Variants in BFSP2 observed in about 807,000 individuals in gnomAD.
BFSP2 encodes beaded filament structural protein 2.
BFSP2 carries 38 observed loss-of-function variants against 44.9 expected under a neutral mutation model. The ratio of observed to expected loss-of-function variants is 0.85; its 90% CI spans 0.65 to 1.11. The LOEUF (loss-of-function observed/expected upper bound fraction) is 1.11, where lower values mean the gene tolerates loss of function less well. BFSP2 is among the 50% of genes least tolerant of loss of function. The pLI, the probability that BFSP2 is intolerant of heterozygous loss-of-function variation, is 0.00. For synonymous variants in BFSP2, 197 were observed against 209.9 expected (o/e 0.94, Z 0.53); for missense variants, 525 against 533.0 (o/e 0.99, Z 0.15).
At chr3:133,426,122 T>C (rs1359596636) in intron 1 of BFSP2, among the ~76,000 whole-genome samples, 3 of 148,180 alleles carry the variant, frequency 2.0e-5, no homozygotes, top group Non-Finnish European at 4.5e-5. Flanking sequence ...AGATTCTTTC[T>C]CTTGGGGACA....
intron 1 of BFSP2, among the ~76,000 whole-genome samples, chr3:133,405,272 T>C (rs771391143): frequency 4.6e-5 from 7 of 152,240 alleles, no homozygotes; most frequent in African/African-American, 7.2e-5. Context: ...CTGCAGCTTA[T>C]ACCTCCAAAG....
At chr3:133,461,797 C>A (rs2074066139) in intron 4 of BFSP2, among the ~76,000 whole-genome samples, 2 of 152,196 alleles carry the variant, frequency 1.3e-5, no homozygotes, top group East Asian at 1.9e-4. Flanking sequence ...AAATTACATT[C>A]TTTTGCTCTT....
At chr3:133,449,532 GTTTT>G (rs2073937032) in intron 3 of BFSP2, among the ~76,000 whole-genome samples, 1 of 113,890 alleles carries the variant, frequency 8.8e-6, no homozygotes, top group African/African-American at 3.0e-5. Context: ...TTGTTTGTTT[GTTTT>G]ATTTTGATTT....
At chr3:133,474,886 G>T in intron 6 of BFSP2, 83 bp from the exon 7 acceptor site, 1 of 1,536,474 alleles carries the variant, frequency 6.5e-7, no homozygotes, top group Non-Finnish European at 9.0e-7. Flanking sequence ...TCATGAGATG[G>T]CCCCCTTTCT....
chr3:133,407,809 C>T (rs79008117), intron 1 of BFSP2, among the ~76,000 whole-genome samples: 71 of 152,208 alleles, frequency 4.7e-4, no homozygotes, highest in African/African-American at 1.5e-3. Flanking sequence ...AAGTGATATT[C>T]AGACAACTAG....
intron 1 of BFSP2, chr3:133,412,295 A>T (rs2073462375): frequency 6.6e-6 from 1 of 152,228 alleles, no homozygotes; most frequent in African/African-American, 2.4e-5. Flanking sequence ...CAGCTAGAAG[A>T]CCTACCTCAT....
intron 1 of BFSP2, among the ~76,000 whole-genome samples, chr3:133,447,001 G>A (rs926346635): frequency 1.4e-4 from 22 of 152,082 alleles, no homozygotes; most frequent in South Asian, 4.2e-4. Context: ...CTAAGGAGCC[G>A]GACTCTGCCC....
intron 4 of BFSP2, among the ~76,000 whole-genome samples, chr3:133,460,100 A>G (rs2074048398): frequency 6.6e-6 from 1 of 152,170 alleles, no homozygotes; most frequent in Non-Finnish European, 1.5e-5. Flanking sequence ...ATGGGTAGAA[A>G]GGCTACTCTT....
chr3:133,474,923 G>C (rs758511594), intron 6 of BFSP2, 46 bp from the exon 7 acceptor site: 1 of 1,612,850 alleles, frequency 6.2e-7, no homozygotes, highest in Non-Finnish European at 8.5e-7. Flanking sequence ...TAGAATGACC[G>C]ATTTTCCTCA....
At position 133,400,309 on chromosome 3, in the gene BFSP2, C is replaced by G; in HGVS notation, c.226C>G (p.Arg76Gly). 6.8e-6 allele frequency: 11 copies of G among 1,613,994 alleles called. No homozygotes were observed. Among genetic ancestry groups the G allele is most frequent in the Non-Finnish European group, 7.6e-6 (9 of 1,180,042 alleles). ...IGGLGARVTR[R>G]ALGISSVFLQ... ...TGGCTTGGGTGCCCGTGTGACCCGC[C>G]GGGCCCTCGGCATCAGCAGTGTCTT... Residue 76 changes from arginine to glycine, a missense_variant, in exon 1 of 7, where the codon CGG (arginine) becomes GGG (glycine). Arg to Gly is a moderately radical substitution (Grantham distance 125). Coordinates refer to ENST00000302334, the MANE Select transcript of BFSP2 (RefSeq NM_003571.4). This position sits in a 1 kb window ranked among gnomAD's most constrained non-coding sequence, Gnocchi z 4.0.
At position 133,447,420 on chromosome 3, in the gene BFSP2, C is replaced by T. The variant is rs761808281; in HGVS notation, c.572+21C>T. 3.0e-5 allele frequency: 49 copies of T among 1,609,450 alleles called. 1 individual carries two copies. The East Asian group carries it at 4.0e-4, about 13-fold the overall frequency. ...GAGAGGTAATGTCTTACAGCAGAGG[C>T]GACAGTCCCTCCACATCCCTAGACT... On this transcript the variant is annotated intron_variant, in intron 2 of 6. Coordinates refer to ENST00000302334, the MANE Select transcript of BFSP2 (RefSeq NM_003571.4).
Position 133,432,867 on chromosome 3 carries a change from T to C in BFSP2, c.490-14450T>C, listed in dbSNP as rs376693511. Among the ~76,000 whole-genome samples the C allele has an allele frequency of 1.1e-3, 168 of 152,306 alleles. 2 individuals are homozygous for C. Among genetic ancestry groups the C allele is most frequent in the African/African-American group, 3.7e-3 (152 of 41,560 alleles). ...TTCTTACACAAGAGCCAGGACCACA[T>C]CCTGCAGCCTTTCTGTCCAAACAAC... On this transcript the variant is annotated intron_variant, in intron 1 of 6. Coordinates refer to ENST00000302334, the MANE Select transcript of BFSP2 (RefSeq NM_003571.4).
intron 1 of BFSP2, among the ~76,000 whole-genome samples, chr3:133,414,744 CCCTCTACTCACCCCTATTCT>C (rs1559959277): frequency 1.2e-3 from 159 of 130,156 alleles, no homozygotes; most frequent in Non-Finnish European, 1.6e-3. Context: ...CTGCCATTTC[CCCTCTACTCACCCCTATTCT>C]CTCCCCTCTA....
chr3:133,462,157 A>G (rs889805292), intron 4 of BFSP2, among the ~76,000 whole-genome samples: 74 of 152,272 alleles, frequency 4.9e-4, no homozygotes, highest in African/African-American at 1.7e-3. Flanking sequence ...GGTGACGCTC[A>G]TGCGCATTTA....
At chr3:133,461,810 A>G (rs990915198) in intron 4 of BFSP2, among the ~76,000 whole-genome samples, 1 of 152,190 alleles carries the variant, frequency 6.6e-6, no homozygotes, top group Admixed American at 6.5e-5. Flanking sequence ...TTGCTCTTTC[A>G]ATCTTAAACT....
chr3:133,417,550 C>A (rs2073551054), intron 1 of BFSP2, among the ~76,000 whole-genome samples: 1 of 92,682 alleles, frequency 1.1e-5, no homozygotes, highest in Non-Finnish European at 2.1e-5. Context: ...TCATCCCTTC[C>A]CTCTCCCTTC....
chr3:133,467,278 C>G (rs531002709), intron 5 of BFSP2, among the ~76,000 whole-genome samples: 1 of 152,316 alleles, frequency 6.6e-6, no homozygotes, highest in African/African-American at 2.4e-5. Context: ...GACACCTGGC[C>G]CAGAAGGTTA....
chr3:133,430,046 G>A (rs1478684441), intron 1 of BFSP2, among the ~76,000 whole-genome samples: 7 of 150,922 alleles, frequency 4.6e-5, no homozygotes, highest in Non-Finnish European at 8.8e-5. Context: ...GAGAATGATG[G>A]TTTCCAGTTT....
At chr3:133,420,731 C>T (rs1430076141) in intron 1 of BFSP2, among the ~76,000 whole-genome samples, 2 of 152,132 alleles carry the variant, frequency 1.3e-5, no homozygotes, top group African/African-American at 2.4e-5. Flanking sequence ...CCTGTGCAGC[C>T]CCTGTGAGGC....
Sources: gnomAD v4.1 joint callset for allele counts (sites outside exome capture counted in the v4.1 genomes callset) on GRCh38, gnomAD v4.1.1 for gene constraint, Gnocchi (gnomAD v3.1) non-coding constraint, MANE v1.5 for transcripts, NCBI Gene and HGNC (gene_info 2026-07-23, HGNC 2026-07-21) for gene names.